CHST11: variants seen among roughly 807,000 people sequenced by gnomAD.
CHST11 encodes the protein carbohydrate sulfotransferase 11, also known as C4S-1.
Under a neutral mutation model 30.4 loss-of-function variants are expected in CHST11, and 9 were observed. The ratio of observed to expected loss-of-function variants is 0.30; its 90% CI spans 0.18 to 0.52. CHST11 has a LOEUF of 0.52. Among genes scored for constraint, CHST11 ranks in the 20% least tolerant of loss-of-function variants. The pLI is 0.97. For missense variants in CHST11, 348 were observed against 460.6 expected (o/e 0.76, Z 2.24); for synonymous variants, 152 against 187.8 (o/e 0.81, Z 1.56).
rs543762324 is a variant in CHST11 at position 104,754,175 on chromosome 12, T to C, written c.205-2774T>C. 9.9e-4 allele frequency among the ~76,000 whole-genome samples: 151 copies of C among 152,296 alleles called. 2 individuals carry two copies. The highest frequency in any genetic ancestry group is 3.4e-3 in the African/African-American group (140 of 41,558). On this transcript the variant is annotated intron_variant, in intron 2 of 2. Transcript: ENST00000303694. ...TTACCAAGTGGAACCCGAAAATATATATATGGTGCCCTTGCTTCTCTGGAA... is the reference window on the plus strand; with the variant it reads ...TTACCAAGTGGAACCCGAAAATATACATATGGTGCCCTTGCTTCTCTGGAA...
intron 2 of CHST11, among the ~76,000 whole-genome samples, chr12:104,755,348 T>C (rs2730291): frequency 0.74 from 111,931 of 152,026 alleles, 41,763 homozygotes; most frequent in African/African-American, 0.86. Context: ...CCCTGTGAAG[T>C]GAGTGGCCAC....
At chr12:104,493,364 G>A (rs780234859) in intron 1 of CHST11, among the ~76,000 whole-genome samples, 6 of 152,202 alleles carry the variant, frequency 3.9e-5, no homozygotes, top group Non-Finnish European at 7.4e-5. Context: ...AACCAGGTAG[G>A]CCTTGGGCTA....
intron 1 of CHST11, among the ~76,000 whole-genome samples, chr12:104,551,033 A>G (rs17812685): frequency 0.087 from 13,275 of 152,156 alleles, 670 homozygotes; most frequent in South Asian, 0.16. Context: ...TACTTGAGAC[A>G]CACTACAGCT....
chr12:104,704,270 T>C (rs1483858348), intron 2 of CHST11, among the ~76,000 whole-genome samples: 1 of 152,192 alleles, frequency 6.6e-6, no homozygotes, highest in Non-Finnish European at 1.5e-5. Flanking sequence ...CCTTGCCTTC[T>C]GGCTCCGTGC....
At position 104,672,245 on chromosome 12, in the gene CHST11, TC is replaced by T. The variant is rs397833120; in HGVS notation, c.204+70257del. 3.5e-5 allele frequency among the ~76,000 whole-genome samples: 5 copies of T among 142,906 alleles called. No homozygotes were observed. The South Asian group carries it at 1.1e-3, about 31-fold the overall frequency. 93.8% of individuals were successfully genotyped at this position (142,906 alleles called of 152,430 possible). A position where few individuals can be genotyped will look rare whatever the true frequency, so the allele number is the denominator to read the frequency against. On this transcript the variant is annotated intron_variant, in intron 2 of 2. Transcript: ENST00000303694. ...GGACCGTGTGGGAGAGAGGGGATTG[TC>T]CCTCTCTCCCCAAGGTCAGCTCTGG...
chr12:104,558,553 C>A (rs552304483), intron 1 of CHST11, among the ~76,000 whole-genome samples: 1 of 137,988 alleles, frequency 7.2e-6, no homozygotes, highest in African/African-American at 2.7e-5. Context: ...CCCCCGCCCC[C>A]CCGAGACAGG....
intron 1 of CHST11, among the ~76,000 whole-genome samples, chr12:104,584,740 A>G (rs534142749): frequency 6.6e-6 from 1 of 152,346 alleles, no homozygotes; most frequent in Admixed American, 6.5e-5. Context: ...TGATTGGTCC[A>G]AGATTATAGG....
intron 1 of CHST11, among the ~76,000 whole-genome samples, chr12:104,581,286 A>G (rs2038741682): frequency 6.6e-6 from 1 of 152,160 alleles, no homozygotes; most frequent in Non-Finnish European, 1.5e-5. Flanking sequence ...CAGGTGGCAG[A>G]TATCTGGAAG....
chr12:104,484,462 G>A (rs1410412699), intron 1 of CHST11, among the ~76,000 whole-genome samples: 1 of 152,200 alleles, frequency 6.6e-6, no homozygotes, highest in Non-Finnish European at 1.5e-5. Context: ...CACCTACCCT[G>A]TGCAGATGCT....
At chr12:104,477,676 C>G (rs970180310) in intron 1 of CHST11, among the ~76,000 whole-genome samples, 1 of 152,076 alleles carries the variant, frequency 6.6e-6, no homozygotes, top group African/African-American at 2.4e-5. Flanking sequence ...TTCCAGACAC[C>G]AAATCTGCCA....
intron 1 of CHST11, among the ~76,000 whole-genome samples, chr12:104,531,479 A>AG (rs1555230455): frequency 4.1e-5 from 6 of 145,362 alleles, no homozygotes; most frequent in African/African-American, 1.0e-4. Context: ...AAAAAAAAAA[A>AG]AGAGAGAGAG....
At chr12:104,670,340 C>T (rs902559211) in intron 2 of CHST11, among the ~76,000 whole-genome samples, 6 of 152,148 alleles carry the variant, frequency 3.9e-5, no homozygotes, top group Non-Finnish European at 8.8e-5. Context: ...TGCACGGCAC[C>T]CAGGGCAGGG....
At chr12:104,653,389 C>G (rs117151411) in intron 2 of CHST11, among the ~76,000 whole-genome samples, 3,286 of 152,284 alleles carry the variant, frequency 0.022, 53 homozygotes, top group Non-Finnish European at 0.034. Context: ...CTCCATTCAT[C>G]TGTTCATAGA....
intron 1 of CHST11, among the ~76,000 whole-genome samples, chr12:104,525,122 T>A (rs368661615): frequency 3.8e-5 from 5 of 132,818 alleles, no homozygotes; most frequent in South Asian, 2.4e-4. Flanking sequence ...TTTTTTTTTT[T>A]AAGAGACAGT....
At chr12:104,690,630 G>A (rs1377292158) in intron 2 of CHST11, among the ~76,000 whole-genome samples, 6 of 152,052 alleles carry the variant, frequency 3.9e-5, no homozygotes, top group South Asian at 4.1e-4. Flanking sequence ...GTTCTAGACC[G>A]GCCTGGGCAA....
At chr12:104,651,639 C>A (rs1480964896) in intron 2 of CHST11, among the ~76,000 whole-genome samples, 1 of 152,172 alleles carries the variant, frequency 6.6e-6, no homozygotes, top group Non-Finnish European at 1.5e-5. Context: ...AAGAACTGAC[C>A]AGAAGTGACC....
chr12:104,709,233 C>T (rs1414146132), intron 2 of CHST11, among the ~76,000 whole-genome samples: 1 of 152,316 alleles, frequency 6.6e-6, no homozygotes, highest in Admixed American at 6.5e-5. Flanking sequence ...CCTACGAGCC[C>T]CCTGCACCCA....
intron 2 of CHST11, among the ~76,000 whole-genome samples, chr12:104,638,688 T>C (rs1333750880): frequency 4.6e-5 from 7 of 152,222 alleles, no homozygotes; most frequent in Non-Finnish European, 1.0e-4. Flanking sequence ...GTGGGACATT[T>C]GTCTCAAGTT....
intron 1 of CHST11, among the ~76,000 whole-genome samples, chr12:104,583,239 C>T (rs1219797654): frequency 6.6e-6 from 1 of 152,132 alleles, no homozygotes; most frequent in Non-Finnish European, 1.5e-5. Context: ...TGAAACCCTC[C>T]TTAAAATTGT....
Sources: allele counts gnomAD v4.1 joint callset (sites outside exome capture counted in the v4.1 genomes callset), GRCh38; gene constraint gnomAD v4.1.1; transcripts MANE v1.5; gene names NCBI Gene and HGNC (gene_info 2026-07-23, HGNC 2026-07-21).